Variants in CDKAL1 observed in about 807,000 individuals in gnomAD.
CDKAL1 encodes the protein CDKAL1 threonylcarbamoyladenosine tRNA methylthiotransferase, also known as threonylcarbamoyladenosine tRNA methylthiotransferase.
CDKAL1 carries 32 observed loss-of-function variants against 68.2 expected under a neutral mutation model. That is an observed-to-expected ratio of 0.47 (90% CI 0.35 to 0.63). CDKAL1 has a LOEUF of 0.63. Among genes scored for constraint, CDKAL1 ranks in the 30% least tolerant of loss-of-function variants. CDKAL1 has a pLI of 0.00. For missense variants in CDKAL1, 606 were observed against 696.7 expected, an observed-to-expected ratio of 0.87 and a Z score of 1.47; for synonymous variants, 234 against 244.3, an observed-to-expected ratio of 0.96 and a Z score of 0.39.
chr6:20,764,550 G>A (rs1188769638), intron 7 of CDKAL1, among the ~76,000 whole-genome samples: 1 of 152,144 alleles, frequency 6.6e-6, no homozygotes, highest in East Asian at 1.9e-4. Context: ...GTAAGGTTTT[G>A]TATTTTGCAT....
At chr6:21,092,314 G>A (rs146338619) in intron 12 of CDKAL1, among the ~76,000 whole-genome samples, 1,770 of 150,434 alleles carry the variant, frequency 0.012, 37 homozygotes, top group African/African-American at 0.04. Context: ...TTGTTACATA[G>A]GTATACATGT....
At chr6:21,120,176 G>C (rs1323535420) in intron 13 of CDKAL1, among the ~76,000 whole-genome samples, 1 of 152,200 alleles carries the variant, frequency 6.6e-6, no homozygotes, top group African/African-American at 2.4e-5. Flanking sequence ...AGAATAACTA[G>C]AGTAAGATGC....
intron 9 of CDKAL1, among the ~76,000 whole-genome samples, chr6:20,859,714 A>G (rs1759514981): frequency 6.6e-6 from 1 of 152,246 alleles, no homozygotes; most frequent in Non-Finnish European, 1.5e-5. Context: ...TAGAAGAGAA[A>G]GAACTTGAGT....
chr6:21,193,503 C>T (rs1398501277), intron 13 of CDKAL1, among the ~76,000 whole-genome samples: 1 of 152,158 alleles, frequency 6.6e-6, no homozygotes, highest in African/African-American at 2.4e-5. Context: ...CTCTCTTCTC[C>T]CTACTTCCGT....
At chr6:20,825,662 A>G (rs1240870225) in intron 8 of CDKAL1, among the ~76,000 whole-genome samples, 2 of 152,182 alleles carry the variant, frequency 1.3e-5, no homozygotes, top group African/African-American at 4.8e-5. Context: ...TACTTGTGGC[A>G]TCGAAGCATA....
At chr6:21,001,089 G>C (rs529920697) in intron 11 of CDKAL1, among the ~76,000 whole-genome samples, 1 of 152,346 alleles carries the variant, frequency 6.6e-6, no homozygotes, top group Admixed American at 6.5e-5. Flanking sequence ...AGGTCACACA[G>C]AGCCTTCTCA....
intron 15 of CDKAL1, among the ~76,000 whole-genome samples, chr6:21,221,808 A>AAAGT (rs1473189123): frequency 6.6e-6 from 1 of 152,252 alleles, no homozygotes; most frequent in Non-Finnish European, 1.5e-5. Flanking sequence ...TGAAGCCATT[A>AAAGT]AAGTAAGTTC....
chr6:21,177,817 G>A (rs1184815645), intron 13 of CDKAL1, among the ~76,000 whole-genome samples: 4 of 152,060 alleles, frequency 2.6e-5, no homozygotes, highest in Non-Finnish European at 5.9e-5. Context: ...GACACGTGGT[G>A]TAAATAGTAT....
chr6:21,216,339 C>T (rs1779339006), intron 15 of CDKAL1, among the ~76,000 whole-genome samples: 1 of 152,180 alleles, frequency 6.6e-6, no homozygotes, highest in African/African-American at 2.4e-5. Flanking sequence ...TAGTGGCTCA[C>T]TCCTGTATTC....
chr6:20,979,654 G>T (rs147227511), intron 10 of CDKAL1, among the ~76,000 whole-genome samples: 2 of 152,106 alleles, frequency 1.3e-5, no homozygotes, highest in African/African-American at 4.8e-5. Flanking sequence ...GGAGCGGAGT[G>T]CGGCCGACGA....
chr6:20,592,399 T>G (rs1211155411), intron 4 of CDKAL1, among the ~76,000 whole-genome samples: 1 of 152,092 alleles, frequency 6.6e-6, no homozygotes, highest in Non-Finnish European at 1.5e-5. Flanking sequence ...ACTATGTTAC[T>G]ATGTTGAATA....
intron 13 of CDKAL1, among the ~76,000 whole-genome samples, chr6:21,149,397 C>T (rs1458846615): frequency 6.6e-5 from 10 of 152,238 alleles, no homozygotes; most frequent in African/African-American, 1.4e-4. Context: ...TTGCCCGCCT[C>T]GGCCTCCCAA....
At chr6:21,036,728 A>G (rs1335448343) in intron 11 of CDKAL1, among the ~76,000 whole-genome samples, 1 of 152,176 alleles carries the variant, frequency 6.6e-6, no homozygotes, top group East Asian at 1.9e-4. Flanking sequence ...ATTCTTGCCT[A>G]TAGTTAATCT....
intron 8 of CDKAL1, among the ~76,000 whole-genome samples, chr6:20,815,066 T>G (rs1425283155): frequency 6.6e-6 from 1 of 152,232 alleles, no homozygotes; most frequent in Non-Finnish European, 1.5e-5. Context: ...TCTGAACATG[T>G]TTTTCATATG....
chr6:20,955,387 CA>C, intron 9 of CDKAL1, 31 bp from the exon 10 acceptor site: 1 of 1,610,736 alleles, frequency 6.2e-7, no homozygotes, highest in Non-Finnish European at 8.5e-7. Context: ...AGCTCTGCCA[CA>C]GATTTGTTAA....
intron 13 of CDKAL1, among the ~76,000 whole-genome samples, chr6:21,117,601 C>T (rs561344799): frequency 6.6e-6 from 1 of 152,262 alleles, no homozygotes; most frequent in South Asian, 2.1e-4. Context: ...TGCACCACTG[C>T]ACTCCAGCCT....
chr6:20,738,101 A>G (rs1401643651), intron 5 of CDKAL1, among the ~76,000 whole-genome samples: 1 of 152,170 alleles, frequency 6.6e-6, no homozygotes, highest in Non-Finnish European at 1.5e-5. Flanking sequence ...TACCTTTCTC[A>G]GTTGGTTTCA....
intron 4 of CDKAL1, among the ~76,000 whole-genome samples, chr6:20,603,853 T>C (rs1766217138): frequency 7.3e-6 from 1 of 137,076 alleles, no homozygotes; most frequent in Admixed American, 8.5e-5. Context: ...ACCGGCTCAC[T>C]GCAACCTCCA....
chr6:20,628,211 T>C (rs1357496938), intron 4 of CDKAL1, among the ~76,000 whole-genome samples: 2 of 152,184 alleles, frequency 1.3e-5, no homozygotes, highest in Admixed American at 6.5e-5. Context: ...AATGAGTAAG[T>C]CTGATGTTAC....
Sources: allele counts gnomAD v4.1 joint callset (sites outside exome capture counted in the v4.1 genomes callset), GRCh38; gene constraint gnomAD v4.1.1; transcripts MANE v1.5; gene names NCBI Gene and HGNC (gene_info 2026-07-23, HGNC 2026-07-21).